The following ZNF609 variants were observed in gnomAD, a reference collection of about 807,000 sequenced individuals.
The protein encoded by ZNF609 is zinc finger protein 609.
ZNF609 carries 11 observed loss-of-function variants against 109.5 expected under a neutral mutation model. The observed-to-expected ratio is 0.10, with a 90% CI of 0.06 to 0.17. ZNF609 has a LOEUF of 0.17. Ranked by LOEUF, ZNF609 falls within the 10% of genes least tolerant of loss-of-function variation. ZNF609 has a pLI of 1.00. For synonymous variants in ZNF609, 646 were observed against 662.0 expected (o/e 0.98, Z 0.37); for missense variants, 1,559 against 1,772.4 (o/e 0.88, Z 2.16).
At chr15:64,552,085 T>C (rs777227573) in intron 2 of ZNF609, among the ~76,000 whole-genome samples, 1 of 152,212 alleles carries the variant, frequency 6.6e-6, no homozygotes, top group Non-Finnish European at 1.5e-5. Flanking sequence ...ATGTAAGTCC[T>C]TTATCAGATG....
At chr15:64,564,542 A>T (rs937011414) in intron 2 of ZNF609, among the ~76,000 whole-genome samples, 1 of 152,002 alleles carries the variant, frequency 6.6e-6, no homozygotes, top group Non-Finnish European at 1.5e-5. Context: ...AGTAAAAAGC[A>T]GTTTGTTTTG....
intron 2 of ZNF609, among the ~76,000 whole-genome samples, chr15:64,541,121 A>C (rs903901643): frequency 2.0e-5 from 3 of 150,620 alleles, no homozygotes; most frequent in Admixed American, 2.0e-4. Flanking sequence ...AAATATGGAA[A>C]AGCAGAAAAG....
chr15:64,606,134 G>T (rs1397159289), intron 2 of ZNF609, among the ~76,000 whole-genome samples: 1 of 150,636 alleles, frequency 6.6e-6, no homozygotes, highest in Admixed American at 6.6e-5. Context: ...TTATTTTGGG[G>T]ATAGAGTCTC....
chr15:64,681,332 G>A lies in ZNF609; in HGVS notation c.4186G>A (p.Ala1396Thr). The A allele has an allele frequency of 3.1e-6, 5 of 1,613,968 alleles. No individual in the cohort carries two copies. Among genetic ancestry groups the A allele is most frequent in the Non-Finnish European group, 4.2e-6 (5 of 1,179,936 alleles). The change falls in exon 9 of 10, where the codon GCC becomes ACC. Residue 1396 changes from alanine to threonine, a missense_variant. Ala to Thr is a moderately conservative substitution (Grantham distance 58). Coordinates refer to ENST00000326648, the MANE Select transcript of ZNF609 (RefSeq NM_015042.2). Reference sequence around the variant, plus strand: ...AGGGCTTTCTTCTACAGCCATTGTTGCCAGCCAACAAGGCTCAACTCCCTC... The same window carrying A: ...AGGGCTTTCTTCTACAGCCATTGTTACCAGCCAACAAGGCTCAACTCCCTC... ...AAGLSSTAIV[A>T]SQQGSTPSLY...
intron 2 of ZNF609, among the ~76,000 whole-genome samples, chr15:64,535,405 C>T (rs1322250170): frequency 6.6e-6 from 1 of 152,090 alleles, no homozygotes; most frequent in African/African-American, 2.4e-5. Context: ...TTTCAATCAG[C>T]ATAATTTTCT....
chr15:64,683,489 G>A lies in ZNF609; in HGVS notation c.*1803G>A, dbSNP rs1376771954. 2 of 152,664 alleles carry A rather than the reference G, an allele frequency of 1.3e-5. No individual in the cohort carries two copies. Among genetic ancestry groups the A allele is most frequent in the African/African-American group, 4.8e-5 (2 of 41,432 alleles). The allele number at this position is 152,664 out of a possible 1,614,324, so 9.5% of individuals were successfully genotyped here. ...CTCGTTTTTGTTCAAGTTGGGTTCT[G>A]AGTCCTCCCCAAAAACCATTGTTTT... is the stretch of plus-strand genomic sequence containing the variant. On this transcript the variant is annotated 3_prime_UTR_variant, in exon 10 of 10. Coordinates refer to ENST00000326648, the MANE Select transcript of ZNF609 (RefSeq NM_015042.2).
intron 1 of ZNF609, among the ~76,000 whole-genome samples, chr15:64,469,556 G>A (rs1020517262): frequency 1.3e-5 from 2 of 150,606 alleles, no homozygotes; most frequent in Admixed American, 1.3e-4. Context: ...GGGCTAATGA[G>A]TGCAATTTCA....
At chr15:64,609,011 A>G (rs961710472) in intron 2 of ZNF609, among the ~76,000 whole-genome samples, 3 of 152,000 alleles carry the variant, frequency 2.0e-5, no homozygotes, top group African/African-American at 2.4e-5. Context: ...TGCTGAGATG[A>G]TAGGCGTGAG....
rs750700444 is a variant in ZNF609 at position 64,609,130 on chromosome 15, T to TTCTTTCTTCTTTC, written c.748-13696_748-13695insCTTTCTTCTTTCT. On this transcript the variant is annotated intron_variant, in intron 2 of 9. Coordinates refer to ENST00000326648, the MANE Select transcript of ZNF609 (RefSeq NM_015042.2). ...TTTCTTTCTTTCTTTCTTTCTTTCT[T>TTCTTTCTTCTTTC]TTTTTCTTTCTTTTTTTTCTCTCTC... Among the ~76,000 whole-genome samples, 3 of 84,120 alleles carry TTCTTTCTTCTTTC rather than the reference T, an allele frequency of 3.6e-5. No individual in the cohort carries two copies. In the East Asian group the frequency reaches 1.2e-3, roughly 32 times the overall value. The allele number at this position is 84,120 out of a possible 152,430, so 55.2% of individuals were successfully genotyped here. A position where few individuals can be genotyped will look rare whatever the true frequency, so the allele number is the denominator to read the frequency against.
chr15:64,635,787 C>T (rs1896164395), intron 3 of ZNF609, among the ~76,000 whole-genome samples: 1 of 152,196 alleles, frequency 6.6e-6, no homozygotes, highest in South Asian at 2.1e-4. Context: ...TGCTCCCAAG[C>T]TATTGCTACT....
chr15:64,640,965 C>T (rs1361857157), intron 3 of ZNF609, among the ~76,000 whole-genome samples: 2 of 152,194 alleles, frequency 1.3e-5, no homozygotes, highest in Non-Finnish European at 2.9e-5. Flanking sequence ...CACACCCCAT[C>T]CCCACAGTGT....
chr15:64,493,613 G>C (rs563577867), intron 1 of ZNF609, among the ~76,000 whole-genome samples: 1 of 152,314 alleles, frequency 6.6e-6, no homozygotes, highest in Non-Finnish European at 1.5e-5. Flanking sequence ...ACAACTCATG[G>C]TGGACAAGTG....
At chr15:64,564,321 G>C (rs138604283) in intron 2 of ZNF609, among the ~76,000 whole-genome samples, 35 of 152,216 alleles carry the variant, frequency 2.3e-4, no homozygotes, top group African/African-American at 8.4e-4. Flanking sequence ...TACTGTAATT[G>C]CCTGAATGGC....
At chr15:64,641,177 A>C (rs1168177671) in intron 3 of ZNF609, among the ~76,000 whole-genome samples, 1 of 150,736 alleles carries the variant, frequency 6.6e-6, no homozygotes, top group African/African-American at 2.4e-5. Flanking sequence ...GGTCATGTGA[A>C]AATGGTTCCA....
At chr15:64,561,593 C>T (rs62022730) in intron 2 of ZNF609, among the ~76,000 whole-genome samples, 15,891 of 144,200 alleles carry the variant, frequency 0.11, 1,154 homozygotes, top group Middle Eastern at 0.18. Context: ...TGGGGTCTGC[C>T]TGTGTTGGCC....
chr15:64,660,504 A>G (rs1896559312), intron 3 of ZNF609, among the ~76,000 whole-genome samples: 1 of 152,126 alleles, frequency 6.6e-6, no homozygotes, highest in Non-Finnish European at 1.5e-5. Context: ...CTCTTTTTCT[A>G]CTATAAGAGT....
Position 64,639,355 on chromosome 15 carries a change from A to C in ZNF609, c.973+16303A>C, listed in dbSNP as rs752262892. Among the ~76,000 whole-genome samples the C allele has an allele frequency of 8.5e-5, 13 of 152,366 alleles. 1 individual carries two copies. Among genetic ancestry groups the C allele is most frequent in the Middle Eastern group, 3.4e-3 (1 of 294 alleles). On this transcript the variant is annotated intron_variant, in intron 3 of 9. Transcript: ENST00000326648. ...CAATGTACCAAAAACTGAGTGGCTT[A>C]AAACAACAGAAAGTTATTATTTCAC... is the stretch of plus-strand genomic sequence containing the variant.
intron 2 of ZNF609, among the ~76,000 whole-genome samples, chr15:64,591,027 G>A (rs548252087): frequency 2.0e-5 from 3 of 152,300 alleles, no homozygotes; most frequent in African/African-American, 7.2e-5. Flanking sequence ...AGTTGGTTGA[G>A]TAGTATGTAT....
At chr15:64,592,379 C>T (rs918547050) in intron 2 of ZNF609, among the ~76,000 whole-genome samples, 25 of 152,180 alleles carry the variant, frequency 1.6e-4, no homozygotes, top group African/African-American at 6.0e-4. Context: ...GAATTTGAGA[C>T]CAGTCTGGCC....
Sources: allele counts gnomAD v4.1 joint callset (sites outside exome capture counted in the v4.1 genomes callset), GRCh38; gene constraint gnomAD v4.1.1; transcripts MANE v1.5; gene names NCBI Gene and HGNC (gene_info 2026-07-23, HGNC 2026-07-21).